Variants in RSPO2 observed in about 807,000 individuals in gnomAD.
RSPO2 encodes the protein R-spondin-2.
RSPO2 carries 14 observed loss-of-function variants against 30.9 expected under a neutral mutation model. The ratio of observed to expected loss-of-function variants is 0.45; its 90% CI spans 0.30 to 0.71. The LOEUF (loss-of-function observed/expected upper bound fraction) is 0.71. Ranked by LOEUF, RSPO2 falls within the 30% of genes least tolerant of loss-of-function variation. The probability of loss-of-function intolerance (pLI) is 0.08; values close to 1 mark genes in which losing one functional copy is unlikely to be tolerated. For synonymous variants in RSPO2, 107 were observed against 96.4 expected, an observed-to-expected ratio of 1.11 and a Z score of -0.64; for missense variants, 264 against 301.9, an observed-to-expected ratio of 0.87 and a Z score of 0.93.
At chr8:107,973,419 C>T (rs561153135) in intron 3 of RSPO2, among the ~76,000 whole-genome samples, 8 of 152,040 alleles carry the variant, frequency 5.3e-5, no homozygotes, top group South Asian at 2.1e-4. Context: ...TGACCTATAT[C>T]GGTCTGCTTT....
chr8:107,935,996 CGTT>C (rs1354232197), intron 5 of RSPO2, among the ~76,000 whole-genome samples: 5 of 152,108 alleles, frequency 3.3e-5, no homozygotes, highest in African/African-American at 1.2e-4. Flanking sequence ...GAAATATACA[CGTT>C]GTTAACTATA....
intron 2 of RSPO2, among the ~76,000 whole-genome samples, chr8:107,999,062 A>G (rs1815133450): frequency 6.6e-6 from 1 of 152,114 alleles, no homozygotes; most frequent in African/African-American, 2.4e-5. Flanking sequence ...AAAATAACCC[A>G]TATTTTCTCA....
At chr8:108,007,016 G>A (rs925826934) in intron 2 of RSPO2, among the ~76,000 whole-genome samples, 4 of 152,110 alleles carry the variant, frequency 2.6e-5, no homozygotes, top group African/African-American at 9.7e-5. Flanking sequence ...CAATACCATT[G>A]CCAGATCTCA....
rs147297147 is a variant in RSPO2, at chr8:107,945,887, T to C, written c.616+12193A>G. On this transcript the variant is annotated intron_variant, in intron 5 of 5. Transcript: ENST00000276659. ...GCCTCTTCCTGCCATTTTTAAAATT[T>C]AATGTTTCAATTTTACCACCTAGAT... Among the ~76,000 whole-genome samples, 10 of 152,338 alleles carry C rather than the reference T, an allele frequency of 6.6e-5. No individual in the cohort carries two copies. In the East Asian group the frequency reaches 1.9e-3, roughly 29 times the overall value.
At chr8:107,904,278 G>A (rs1410699020) in intron 5 of RSPO2, among the ~76,000 whole-genome samples, 1 of 150,950 alleles carries the variant, frequency 6.6e-6, no homozygotes, top group Admixed American at 6.6e-5. Flanking sequence ...GTCACCCAAC[G>A]CATAATTCAA....
intron 2 of RSPO2, among the ~76,000 whole-genome samples, chr8:108,050,091 T>TG (rs1183401683): frequency 2.6e-5 from 4 of 152,136 alleles, no homozygotes; most frequent in African/African-American, 4.8e-5. Context: ...CAGGAGGGGT[T>TG]GGGGGGAATC....
At chr8:108,027,793 T>A (rs1202331750) in intron 2 of RSPO2, among the ~76,000 whole-genome samples, 1 of 152,200 alleles carries the variant, frequency 6.6e-6, no homozygotes, top group African/African-American at 2.4e-5. Context: ...TGTTCTCCAC[T>A]GGTTTTATAT....
intron 5 of RSPO2, among the ~76,000 whole-genome samples, chr8:107,920,765 T>C (rs1812138435): frequency 6.6e-6 from 1 of 152,080 alleles, no homozygotes; most frequent in Non-Finnish European, 1.5e-5. Flanking sequence ...AAGAGTTCCT[T>C]CCCCAAATGC....
intron 2 of RSPO2, among the ~76,000 whole-genome samples, chr8:107,995,111 C>A (rs1186473020): frequency 6.6e-6 from 1 of 152,116 alleles, no homozygotes; most frequent in Non-Finnish European, 1.5e-5. Flanking sequence ...CTTGAATTGG[C>A]CAGAAAGATC....
chr8:108,030,775 A>G (rs764608414), intron 2 of RSPO2, among the ~76,000 whole-genome samples: 3 of 152,210 alleles, frequency 2.0e-5, no homozygotes, highest in Non-Finnish European at 4.4e-5. Flanking sequence ...AGAAAGCCCA[A>G]TTAAAACTCA....
chr8:108,014,970 G>A (rs142351457), intron 2 of RSPO2, among the ~76,000 whole-genome samples: 4 of 152,020 alleles, frequency 2.6e-5, no homozygotes, highest in African/African-American at 9.6e-5. Context: ...ATAAGCTCCT[G>A]GAAAAACTAA....
intron 5 of RSPO2, among the ~76,000 whole-genome samples, chr8:107,930,169 A>G (rs486411): frequency 0.76 from 115,964 of 152,154 alleles, 44,323 homozygotes; most frequent in East Asian, 0.9. Flanking sequence ...AAGTTTTGAC[A>G]TAGGTATTAT....
At chr8:107,926,652 A>C (rs962240349) in intron 5 of RSPO2, among the ~76,000 whole-genome samples, 1 of 152,132 alleles carries the variant, frequency 6.6e-6, no homozygotes, top group Non-Finnish European at 1.5e-5. Flanking sequence ...TTAAATAGGG[A>C]ATCCTTTCCC....
intron 5 of RSPO2, among the ~76,000 whole-genome samples, chr8:107,930,269 C>A (rs1257262130): frequency 6.6e-6 from 1 of 152,128 alleles, no homozygotes; most frequent in Non-Finnish European, 1.5e-5. Flanking sequence ...AAGAAGCTTA[C>A]GAACCCCAAA....
chr8:107,902,008 G>A (rs1811489005), intron 5 of RSPO2, among the ~76,000 whole-genome samples: 1 of 152,058 alleles, frequency 6.6e-6, no homozygotes, highest in Non-Finnish European at 1.5e-5. Context: ...TCCTCCATCT[G>A]TGGTTATAGT....
intron 3 of RSPO2, among the ~76,000 whole-genome samples, chr8:107,986,882 T>C (rs571152711): frequency 8.5e-5 from 13 of 152,340 alleles, no homozygotes; most frequent in African/African-American, 2.9e-4. Context: ...GGAACATATC[T>C]TCCTCTGGAA....
chr8:108,033,834 C>T (rs1811506769), intron 2 of RSPO2, among the ~76,000 whole-genome samples: 1 of 152,176 alleles, frequency 6.6e-6, no homozygotes, highest in Non-Finnish European at 1.5e-5. Flanking sequence ...AGAAAAAATG[C>T]AACACCAAGT....
intron 2 of RSPO2, among the ~76,000 whole-genome samples, chr8:108,065,671 A>C (rs905743831): frequency 6.6e-6 from 1 of 151,998 alleles, no homozygotes; most frequent in Non-Finnish European, 1.5e-5. Context: ...AAAAAAAAAA[A>C]AAAAAACTTT....
At chr8:107,947,848 G>A (rs372996244) in intron 5 of RSPO2, among the ~76,000 whole-genome samples, 13 of 152,222 alleles carry the variant, frequency 8.5e-5, no homozygotes, top group African/African-American at 3.1e-4. Context: ...ATTTTTTTCT[G>A]TGAGCTTCTG....
Sources: gnomAD v4.1 joint callset for allele counts (sites outside exome capture counted in the v4.1 genomes callset) on GRCh38, gnomAD v4.1.1 for gene constraint, MANE v1.5 for transcripts, NCBI Gene and HGNC (gene_info 2026-07-23, HGNC 2026-07-21) for gene names.